POLR3B: variants seen among roughly 807,000 people sequenced by gnomAD.
The protein encoded by POLR3B is DNA-directed RNA polymerase III subunit RPC2.
A neutral mutation model predicts 147.4 loss-of-function variants in POLR3B; 96 were observed. The observed-to-expected ratio is 0.65, with a 90% CI of 0.55 to 0.77. POLR3B has a LOEUF of 0.77. POLR3B is among the 30% of genes least tolerant of loss of function. POLR3B has a pLI of 0.00. For synonymous variants in POLR3B, 461 were observed against 485.9 expected (o/e 0.95, Z 0.67); for missense variants, 1,036 against 1,413.5 (o/e 0.73, Z 4.28).
In POLR3B at chr12:106,463,632, C is replaced by A; in HGVS notation, c.2713+12C>A. 11 of 1,605,050 alleles carry A rather than the reference C, an allele frequency of 6.9e-6. No homozygotes were observed. The highest frequency in any genetic ancestry group is 9.4e-6 in the Non-Finnish European group (11 of 1,171,986). ...TCATGGGCAAAAAGGTAAACTGTATCATTTCTCAACTTGATTATAAAACAA... is the reference window on the plus strand; with the variant it reads ...TCATGGGCAAAAAGGTAAACTGTATAATTTCTCAACTTGATTATAAAACAA... On this transcript the variant is annotated intron_variant, in intron 23 of 27. Transcript: ENST00000228347.
chr12:106,461,362 G>A (rs114233172), intron 22 of POLR3B, among the ~76,000 whole-genome samples: 156 of 152,140 alleles, frequency 1.0e-3, no homozygotes, highest in African/African-American at 3.6e-3. Flanking sequence ...CAAAGTGCTG[G>A]GAGTCATAAG....
chr12:106,465,534 A>T (rs1305585129), intron 23 of POLR3B, among the ~76,000 whole-genome samples: 1 of 152,138 alleles, frequency 6.6e-6, no homozygotes, highest in African/African-American at 2.4e-5. Context: ...TTACATAGGT[A>T]TACACGTGCC....
Position 106,504,102 on chromosome 12 carries a change from T to C in POLR3B, c.3120T>C (p.Ser1040=). The change falls in exon 27 of 28, where the codon TCT becomes TCC. Residue 1040 remains serine, a synonymous_variant. Transcript: ENST00000228347. The surrounding 1 kb of genome is among the most constrained non-coding windows in gnomAD (Gnocchi z 4.6). ...VLTRQPTEGR[S]RDGGLRLGEM... ...AAAGGCAACCCACTGAAGGACGGTC[T>C]CGTGATGGTGGCTTGCGTCTCGGGG... The C allele has an allele frequency of 6.2e-7, 1 of 1,614,132 alleles. No homozygotes were observed. The highest frequency in any genetic ancestry group is 8.5e-7 in the Non-Finnish European group (1 of 1,179,984).
At chr12:106,441,489 A>T (rs978530168) in intron 18 of POLR3B, among the ~76,000 whole-genome samples, 2 of 152,204 alleles carry the variant, frequency 1.3e-5, no homozygotes, top group African/African-American at 4.8e-5. Context: ...GTATTTGTGT[A>T]TCAAAACATA....
chr12:106,483,159 C>T lies in POLR3B; in HGVS notation c.2714-12896C>T, dbSNP rs2038292324. Among the ~76,000 whole-genome samples, 2 of 152,174 alleles carry T rather than the reference C, an allele frequency of 1.3e-5. 1 individual carries two copies. Among genetic ancestry groups the T allele is most frequent in the South Asian group, 4.1e-4 (2 of 4,828 alleles). On this transcript the variant is annotated intron_variant, in intron 23 of 27. Transcript: ENST00000228347. ...AACCCAAATATATGAAAAGTTGTCC[C>T]TCTGTGGAGAAGGGCTCACATTCCG... is the stretch of plus-strand genomic sequence containing the variant.
At chr12:106,476,732 A>C (rs1306133883) in intron 23 of POLR3B, among the ~76,000 whole-genome samples, 2 of 151,174 alleles carry the variant, frequency 1.3e-5, no homozygotes, top group East Asian at 3.9e-4. Context: ...TCCTTTAAGC[A>C]CTTCTCTGTA....
intron 12 of POLR3B, among the ~76,000 whole-genome samples, chr12:106,420,896 C>T (rs1008813819): frequency 6.6e-6 from 1 of 152,160 alleles, no homozygotes; most frequent in African/African-American, 2.4e-5. Context: ...CTACTCCATT[C>T]TTCATTTTCC....
At chr12:106,407,811 A>G (rs766519677) in intron 11 of POLR3B, among the ~76,000 whole-genome samples, 20 of 152,046 alleles carry the variant, frequency 1.3e-4, no homozygotes, top group Admixed American at 2.0e-4. Context: ...CCTGGGCAAC[A>G]AGAGCAAAAC....
intron 20 of POLR3B, among the ~76,000 whole-genome samples, chr12:106,455,662 A>C (rs1465009760): frequency 1.3e-5 from 2 of 152,194 alleles, no homozygotes; most frequent in Non-Finnish European, 2.9e-5. Flanking sequence ...TCTTGATTTC[A>C]TGCAGTTAAG....
At chr12:106,472,970 T>G (rs1218635159) in intron 23 of POLR3B, among the ~76,000 whole-genome samples, 3 of 124,334 alleles carry the variant, frequency 2.4e-5, no homozygotes, top group African/African-American at 1.1e-4. Context: ...ATGCCTAGGT[T>G]TTCTTCTAGG....
rs190329287 is a variant in POLR3B at position 106,440,971 on chromosome 12, T to C, written c.1955+3192T>C. On this transcript the variant is annotated intron_variant, in intron 18 of 27. Coordinates refer to ENST00000228347, the MANE Select transcript of POLR3B (RefSeq NM_018082.6). ...TTTTGTATTATTTAATTCATACTTA[T>C]GTTTTTTAAAATATAGAAATGCATG... 1.1e-3 allele frequency among the ~76,000 whole-genome samples: 161 copies of C among 152,306 alleles called. 4 individuals are homozygous for C. In the East Asian group the frequency reaches 0.017, roughly 16 times the overall value.
chr12:106,501,472 G>A (rs781306057), intron 26 of POLR3B, 36 bp downstream of exon 26: 1 of 1,204,424 alleles, frequency 8.3e-7, no homozygotes, highest in South Asian at 1.2e-5. Context: ...AATTGATAAT[G>A]CAGTCAAGTC....
chr12:106,502,418 C>A (rs1025685654), intron 26 of POLR3B, among the ~76,000 whole-genome samples: 20 of 152,154 alleles, frequency 1.3e-4, no homozygotes, highest in African/African-American at 4.6e-4. Context: ...AAGCATTTCT[C>A]ATATTTAAAG....
intron 9 of POLR3B, 113 bp downstream of exon 9, chr12:106,380,252 G>GT: frequency 1.4e-6 from 1 of 715,800 alleles, no homozygotes; most frequent in East Asian, 2.8e-5. Context: ...GATTTGTGAT[G>GT]TAAGTTGTCA....
At chr12:106,407,587 TG>T (rs2037166425) in intron 11 of POLR3B, among the ~76,000 whole-genome samples, 1 of 152,130 alleles carries the variant, frequency 6.6e-6, no homozygotes, top group Non-Finnish European at 1.5e-5. Context: ...TCCAGCACTT[TG>T]GGAGGCTGAG....
rs1187542979 is a variant in POLR3B, at chr12:106,507,891, A to G, written c.3273-1529A>G. 60 of 446,928 alleles carry G rather than the reference A, an allele frequency of 1.3e-4. 1 individual carries two copies. The highest frequency in any genetic ancestry group is 9.2e-4 in the South Asian group (58 of 62,752). The allele number at this position is 446,928 out of a possible 1,614,324, so 27.7% of individuals were successfully genotyped here. On this transcript the variant is annotated intron_variant, in intron 27 of 27. Coordinates refer to ENST00000228347, the MANE Select transcript of POLR3B (RefSeq NM_018082.6). ...AAAACATTCAAAAGTTACCACAAAT[A>G]TAAAGTGAGTCACATTAATTCCCAC...
chr12:106,393,992 A>C (rs1438482293), intron 10 of POLR3B, among the ~76,000 whole-genome samples: 2 of 152,154 alleles, frequency 1.3e-5, no homozygotes, highest in African/African-American at 4.8e-5. Context: ...TTACCTATCC[A>C]CGTGTACATT....
intron 2 of POLR3B, among the ~76,000 whole-genome samples, chr12:106,364,626 T>C (rs1036303453): frequency 1.8e-4 from 28 of 152,190 alleles, no homozygotes; most frequent in Non-Finnish European, 5.9e-5. Flanking sequence ...CATGAAAACA[T>C]GTGTCCATGC....
At position 106,432,677 on chromosome 12, in the gene POLR3B, T is replaced by C. The variant is rs2037526103; in HGVS notation, c.1627+197T>C. ...GGTTATCCAAGGTTCTGAGAGGATATAGCTATCAGAGCTAAAGGGTAACTT... is the reference window on the plus strand; with the variant it reads ...GGTTATCCAAGGTTCTGAGAGGATACAGCTATCAGAGCTAAAGGGTAACTT... On this transcript the variant is annotated intron_variant, in intron 15 of 27. Transcript: ENST00000228347. Among the ~76,000 whole-genome samples, 3 of 152,228 alleles carry C rather than the reference T, an allele frequency of 2.0e-5. No homozygotes were observed. In the South Asian group the frequency reaches 6.2e-4, roughly 32 times the overall value.
Sources: allele counts gnomAD v4.1 joint callset (sites outside exome capture counted in the v4.1 genomes callset), GRCh38; gene constraint gnomAD v4.1.1; non-coding constraint Gnocchi (gnomAD v3.1); transcripts MANE v1.5; gene names NCBI Gene and HGNC (gene_info 2026-07-23, HGNC 2026-07-21).